Variants in TTC21B observed in about 807,000 individuals in gnomAD.
TTC21B encodes the protein tetratricopeptide repeat protein 21B.
In TTC21B, 127 loss-of-function variants were observed where a neutral mutation model predicts 175.1. That is an observed-to-expected ratio of 0.73 (90% CI 0.63 to 0.84). TTC21B has a LOEUF of 0.84. Among genes scored for constraint, TTC21B ranks in the 40% least tolerant of loss-of-function variants. TTC21B has a pLI of 0.00. For missense variants in TTC21B, 1,561 were observed against 1,558.3 expected, an observed-to-expected ratio of 1.00 and a Z score of -0.03; for synonymous variants, 524 against 524.5, an observed-to-expected ratio of 1.00 and a Z score of 0.01.
chr2:165,920,441 A>C (rs547227483), intron 12 of TTC21B, among the ~76,000 whole-genome samples: 1 of 152,346 alleles, frequency 6.6e-6, no homozygotes, highest in South Asian at 2.1e-4. Context: ...AAAGTTTAGC[A>C]ATCAACCGTC....
chr2:165,900,958 G>A (rs1228206822), intron 20 of TTC21B, among the ~76,000 whole-genome samples: 1 of 148,310 alleles, frequency 6.7e-6, no homozygotes, highest in Non-Finnish European at 1.5e-5. Flanking sequence ...CTGTAGTACA[G>A]TGGCATCATC....
chr2:165,941,463 T>C (rs1318501785), intron 5 of TTC21B, among the ~76,000 whole-genome samples: 3 of 117,616 alleles, frequency 2.6e-5, no homozygotes, highest in African/African-American at 9.3e-5. Context: ...CATAAAATAA[T>C]GTTTCCATTT....
At position 165,949,394 on chromosome 2, in the gene TTC21B, C is replaced by A; in HGVS notation, c.262G>T (p.Asp88Tyr). Reference sequence around the variant, plus strand: ...TAAGCATTGCATTTAAATATCATACCTGGATTAGGACTCATTTTATGGGCA... The same window carrying A: ...TAAGCATTGCATTTAAATATCATACATGGATTAGGACTCATTTTATGGGCA... ...IYAHKMSPNP[D>Y]REAILESDAR... is the part of the protein sequence containing the mutation. The change falls in exon 3 of 29, where the codon GAT (aspartate) becomes TAT (tyrosine). Residue 88 changes from aspartate to tyrosine, a missense_variant and splice_region_variant. Coordinates refer to ENST00000243344, the MANE Select transcript of TTC21B (RefSeq NM_024753.5). 6.2e-7 allele frequency: 1 copy of A among 1,604,002 alleles called. No homozygotes were observed. Among genetic ancestry groups the A allele is most frequent in the Non-Finnish European group, 8.5e-7 (1 of 1,170,978 alleles).
intron 25 of TTC21B, among the ~76,000 whole-genome samples, chr2:165,885,768 C>A (rs1014077350): frequency 2.0e-5 from 3 of 152,216 alleles, no homozygotes; most frequent in Non-Finnish European, 4.4e-5. Context: ...AACTGAAGAA[C>A]AGTTTCTAAA....
chr2:165,888,340 G>GT lies in TTC21B; in HGVS notation c.3397dup (p.Thr1133AsnfsTer6), dbSNP rs1559040678. On this transcript the variant is annotated frameshift_variant, in exon 25 of 29. Transcript: ENST00000243344. LOFTEE classifies it high-confidence loss of function. ...TTGTTCAACATTAGATTTCTGTTTGGTAGCCATTAAGCAATAGTTTTCCAT... is the reference window on the plus strand; with the variant it reads ...TTGTTCAACATTAGATTTCTGTTTGGTTAGCCATTAAGCAATAGTTTTCCAT... The GT allele has an allele frequency of 1.2e-6, 2 of 1,613,412 alleles. No individual in the cohort carries two copies. Among genetic ancestry groups the GT allele is most frequent in the Non-Finnish European group, 1.7e-6 (2 of 1,179,780 alleles).
intron 11 of TTC21B, among the ~76,000 whole-genome samples, chr2:165,927,708 G>T (rs970891480): frequency 3.3e-5 from 5 of 151,780 alleles, no homozygotes; most frequent in Non-Finnish European, 5.9e-5. Context: ...AAGGGAAAAT[G>T]GATTATGACT....
intron 7 of TTC21B, 30 bp from the exon 8 acceptor site, chr2:165,931,886 A>C (rs778681137): frequency 6.9e-7 from 1 of 1,453,258 alleles, no homozygotes; most frequent in Non-Finnish European, 9.7e-7. Context: ...TATTAACTTA[A>C]AATATACTAA....
At position 165,880,661 on chromosome 2, in the gene TTC21B, G is replaced by A; in HGVS notation, c.3805+18C>T. The A allele has an allele frequency of 6.2e-7, 1 of 1,613,002 alleles. No homozygotes were observed. Among genetic ancestry groups the A allele is most frequent in the Non-Finnish European group, 8.5e-7 (1 of 1,179,522 alleles). On this transcript the variant is annotated intron_variant, in intron 27 of 28. Transcript: ENST00000243344. ...ACATAATTTTTCTGTGAAAAATCTA[G>A]GTGATTGCCAAACTCACCTACTGCC...
At chr2:165,930,689 A>T (rs1202928922) in intron 8 of TTC21B, among the ~76,000 whole-genome samples, 1 of 120,110 alleles carries the variant, frequency 8.3e-6, no homozygotes, top group Non-Finnish European at 2.0e-5. Flanking sequence ...TGTTTTACAG[A>T]TTAAACAGGA....
chr2:165,881,506 C>T (rs1684834314), intron 26 of TTC21B, among the ~76,000 whole-genome samples: 1 of 152,048 alleles, frequency 6.6e-6, no homozygotes, highest in African/African-American at 2.4e-5. Flanking sequence ...TGTCTCTTTT[C>T]TTGAAATTAA....
intron 7 of TTC21B, among the ~76,000 whole-genome samples, chr2:165,932,234 C>T (rs113223567): frequency 0.012 from 1,814 of 152,090 alleles, 39 homozygotes; most frequent in African/African-American, 0.041. Context: ...CCTTCAATTG[C>T]CTATACAGAC....
intron 11 of TTC21B, chr2:165,928,830 T>C (rs776173822): frequency 2.8e-6 from 1 of 352,644 alleles, no homozygotes; most frequent in Non-Finnish European, 5.4e-6. Context: ...ACATTGACAG[T>C]GATGTTACAG....
At chr2:165,906,254 TAAAAAAA>T (rs1163343694) in intron 19 of TTC21B, among the ~76,000 whole-genome samples, 8 of 45,320 alleles carry the variant, frequency 1.8e-4, no homozygotes, top group African/African-American at 6.6e-4. Context: ...TTCAAGAGGC[TAAAAAAA>T]AAAAAAAAAA....
In TTC21B at chr2:165,907,574, G is replaced by A. The variant is rs929687943; in HGVS notation, c.2568+104C>T. 93 of 736,616 alleles carry A rather than the reference G, an allele frequency of 1.3e-4. 2 individuals carry two copies. The South Asian group carries it at 1.4e-3, about 11-fold the overall frequency. 45.6% of individuals were successfully genotyped at this position (736,616 alleles called of 1,614,324 possible). A position where few individuals can be genotyped will look rare whatever the true frequency, so the allele number is the denominator to read the frequency against. On this transcript the variant is annotated intron_variant, in intron 19 of 28. Transcript: ENST00000243344. ...GTATTTTGATTTTGACATATTTTCT[G>A]TAGCTGTTTGGCCAAAAGAGATTGC...
intron 11 of TTC21B, among the ~76,000 whole-genome samples, chr2:165,927,010 A>ATATATATATATC (rs1264401079): frequency 1.5e-5 from 2 of 130,810 alleles, no homozygotes; most frequent in African/African-American, 6.1e-5. Flanking sequence ...ATATATATAT[A>ATATATATATATC]TATATATCTC....
rs777239744 is a variant in TTC21B, at chr2:165,931,871, A to G, written c.796-15T>C. On this transcript the variant is annotated splice_polypyrimidine_tract_variant and intron_variant, in intron 7 of 28. Transcript: ENST00000243344. ...TTGGTGGAAGCCTAAAACAAAAGGA[A>G]CTGGTATTAACTTAAAATATACTAA... 2.6e-6 allele frequency: 4 copies of G among 1,539,760 alleles called. No homozygotes were observed. The East Asian group carries it at 9.0e-5, about 35-fold the overall frequency.
chr2:165,891,113 T>C, intron 22 of TTC21B, 125 bp from the exon 23 acceptor site: 1 of 846,486 alleles, frequency 1.2e-6, no homozygotes, highest in African/African-American at 1.7e-5. Context: ...AAATAAAAAA[T>C]GCCTCAGGGT....
At chr2:165,951,228 A>G (rs931986771) in intron 1 of TTC21B, among the ~76,000 whole-genome samples, 1 of 152,160 alleles carries the variant, frequency 6.6e-6, no homozygotes, top group African/African-American at 2.4e-5. Context: ...AAGCATCTAT[A>G]ATCCTCCTGA....
chr2:165,937,891 C>T (rs1687216994), intron 6 of TTC21B, among the ~76,000 whole-genome samples: 1 of 150,676 alleles, frequency 6.6e-6, no homozygotes, highest in Admixed American at 6.6e-5. Context: ...TTGTGGCCTT[C>T]AAATATCATT....
Sources: allele counts gnomAD v4.1 joint callset (sites outside exome capture counted in the v4.1 genomes callset), GRCh38; gene constraint gnomAD v4.1.1; transcripts MANE v1.5; gene names NCBI Gene and HGNC (gene_info 2026-07-23, HGNC 2026-07-21).